GALK2: variants seen among roughly 807,000 people sequenced by gnomAD.
GALK2 encodes the protein galactokinase 2.
Under a neutral mutation model 52.4 loss-of-function variants are expected in GALK2, and 36 were observed. The ratio of observed to expected loss-of-function variants is 0.69; its 90% CI spans 0.53 to 0.91. The LOEUF (loss-of-function observed/expected upper bound fraction) is 0.91, where lower values mean the gene tolerates loss of function less well. Ranked by LOEUF, GALK2 falls within the 40% of genes least tolerant of loss-of-function variation. The pLI, the probability that GALK2 is intolerant of heterozygous loss-of-function variation, is 0.00. For missense variants in GALK2, 579 were observed against 559.1 expected (o/e 1.04, Z -0.36); for synonymous variants, 176 against 199.1 (o/e 0.88, Z 0.98).
In GALK2 at chr15:49,329,332, G is replaced by A; in HGVS notation, c.*1173G>A. The stretch of plus-strand genomic sequence containing the variant: ...CTATAGGAAGCACTTTCTGAATTAT[G>A]TAATGATTTGGACCAAAAAGTATTT... On this transcript the variant is annotated 3_prime_UTR_variant, in exon 10 of 10. Transcript: ENST00000560031. The A allele has an allele frequency of 5.1e-6, 5 of 985,354 alleles. No homozygotes were observed. Among genetic ancestry groups the A allele is most frequent in the Non-Finnish European group, 6.0e-6 (5 of 829,894 alleles). 61.0% of individuals were successfully genotyped at this position (985,354 alleles called of 1,614,324 possible). A position where few individuals can be genotyped will look rare whatever the true frequency, so the allele number is the denominator to read the frequency against.
chr15:49,345,340 T>G (rs914575926), intron 3 of GALK2, among the ~76,000 whole-genome samples: 1 of 152,146 alleles, frequency 6.6e-6, no homozygotes, highest in Admixed American at 6.6e-5. Flanking sequence ...GGTTGTACAT[T>G]TGTGCTGTAT....
At chr15:49,290,897 T>C (rs988038216) in intron 7 of GALK2, among the ~76,000 whole-genome samples, 3 of 152,200 alleles carry the variant, frequency 2.0e-5, no homozygotes, top group Non-Finnish European at 2.9e-5. Flanking sequence ...GAAAGAGTTA[T>C]AAGACCTGGA....
intron 1 of GALK2, among the ~76,000 whole-genome samples, chr15:49,194,903 G>T (rs2087079737): frequency 6.6e-6 from 1 of 151,790 alleles, no homozygotes; most frequent in African/African-American, 2.4e-5. Flanking sequence ...CTACATATTT[G>T]TTTTTCGTAA....
chr15:49,365,436 CTGTACAATAA>C, intron 3 of GALK2: 1 of 945,002 alleles, frequency 1.1e-6, no homozygotes, highest in East Asian at 2.4e-5. Flanking sequence ...AGCAACAGGC[CTGTACAATAA>C]TGTCTCCAAA....
intron 5 of GALK2, among the ~76,000 whole-genome samples, chr15:49,240,783 CTTG>C (rs2091057195): frequency 6.6e-6 from 1 of 152,158 alleles, no homozygotes; most frequent in Non-Finnish European, 1.5e-5. Context: ...GTTGCTGGGC[CTTG>C]TAAACTTTGT....
chr15:49,276,370 A>T (rs946780706), intron 5 of GALK2, among the ~76,000 whole-genome samples: 1 of 152,192 alleles, frequency 6.6e-6, no homozygotes, highest in Non-Finnish European at 1.5e-5. Context: ...TCAGGTAGAA[A>T]TATGCCTTTG....
intron 3 of GALK2, among the ~76,000 whole-genome samples, chr15:49,342,074 C>A (rs529910062): frequency 2.6e-5 from 4 of 152,072 alleles, no homozygotes; most frequent in Non-Finnish European, 5.9e-5. Flanking sequence ...AAATCAAGTC[C>A]TGAGTTTTTT....
At chr15:49,316,732 T>C (rs1482831560) in intron 8 of GALK2, among the ~76,000 whole-genome samples, 1 of 151,988 alleles carries the variant, frequency 6.6e-6, no homozygotes, top group Non-Finnish European at 1.5e-5. Flanking sequence ...GAGAGGAACC[T>C]AGGGGCAGAC....
At chr15:49,168,445 A>G (rs894292293), upstream of GALK2, among the ~76,000 whole-genome samples, 1 of 152,224 alleles carries the variant, frequency 6.6e-6, no homozygotes, top group Non-Finnish European at 1.5e-5. Context: ...TGGGCTGGGC[A>G]CGGTGGCTCA....
intron 1 of GALK2, among the ~76,000 whole-genome samples, chr15:49,181,141 C>G (rs2085940274): frequency 7.2e-6 from 1 of 138,954 alleles, no homozygotes; most frequent in African/African-American, 2.7e-5. Flanking sequence ...GACAGGGTCT[C>G]ACTCTGTTGC....
intron 3 of GALK2, among the ~76,000 whole-genome samples, chr15:49,351,822 G>A (rs2042294756): frequency 6.6e-6 from 1 of 152,216 alleles, no homozygotes; most frequent in African/African-American, 2.4e-5. Context: ...TAAGGAGCCA[G>A]ATCTTTGTAC....
At chr15:49,161,066 T>C (rs1421699169) in intron 1 of GALK2, among the ~76,000 whole-genome samples, 1 of 152,202 alleles carries the variant, frequency 6.6e-6, no homozygotes, top group Non-Finnish European at 1.5e-5. Context: ...GATAATATGC[T>C]TAACAAATGC....
intron 8 of GALK2, among the ~76,000 whole-genome samples, 161 bp downstream of exon 8, chr15:49,292,698 A>C (rs1190162846): frequency 6.6e-6 from 1 of 152,206 alleles, no homozygotes; most frequent in East Asian, 1.9e-4. Flanking sequence ...GTATTCATTC[A>C]TTCTTTCATT....
chr15:49,308,894 T>C (rs1174039399), intron 8 of GALK2, among the ~76,000 whole-genome samples: 4 of 152,216 alleles, frequency 2.6e-5, no homozygotes, highest in Non-Finnish European at 5.9e-5. Context: ...GCCATAGTTT[T>C]GGCTACCTAG....
intron 5 of GALK2, among the ~76,000 whole-genome samples, chr15:49,260,062 G>A (rs913737780): frequency 6.6e-6 from 1 of 151,708 alleles, no homozygotes; most frequent in Admixed American, 6.6e-5. Context: ...TGTCTTTATA[G>A]CAGCATGATT....
chr15:49,329,418 AT>A lies in GALK2; in HGVS notation c.*1260del, dbSNP rs770783109. Reference sequence around the variant, plus strand: ...TTTATGGCATGAATTATCCAAAAAAATATCAGAATTACTTATTATTCTGTGA... The same window carrying A: ...TTTATGGCATGAATTATCCAAAAAAAATCAGAATTACTTATTATTCTGTGA... On this transcript the variant is annotated 3_prime_UTR_variant, in exon 10 of 10. Coordinates refer to ENST00000560031, the MANE Select transcript of GALK2 (RefSeq NM_002044.4). The A allele has an allele frequency of 1.8e-4, 182 of 985,126 alleles. No individual in the cohort carries two copies. Among genetic ancestry groups the A allele is most frequent in the Middle Eastern group, 1.0e-3 (2 of 1,914 alleles). The allele number at this position is 985,126 out of a possible 1,614,324, so 61.0% of individuals were successfully genotyped here. A position where few individuals can be genotyped will look rare whatever the true frequency, so the allele number is the denominator to read the frequency against.
At chr15:49,283,525 T>C in intron 6 of GALK2, 41 bp from the exon 7 acceptor site, 2 of 1,515,164 alleles carry the variant, frequency 1.3e-6, no homozygotes, top group Non-Finnish European at 9.1e-7. Flanking sequence ...TTTTCTGCAT[T>C]CTAATAAATT....
chr15:49,342,589 C>A (rs1034568909), intron 3 of GALK2, among the ~76,000 whole-genome samples: 3 of 152,026 alleles, frequency 2.0e-5, no homozygotes, highest in African/African-American at 7.2e-5. Flanking sequence ...TAGCTGGTTG[C>A]TTTGTAGTTT....
intron 3 of GALK2, among the ~76,000 whole-genome samples, chr15:49,346,005 G>A (rs2041429403): frequency 6.6e-6 from 1 of 151,564 alleles, no homozygotes; most frequent in East Asian, 1.9e-4. Flanking sequence ...AGGTTAATTT[G>A]ATCAGGTCTG....
Sources: gnomAD v4.1 joint callset for allele counts (sites outside exome capture counted in the v4.1 genomes callset) on GRCh38, gnomAD v4.1.1 for gene constraint, MANE v1.5 for transcripts, NCBI Gene and HGNC (gene_info 2026-07-23, HGNC 2026-07-21) for gene names.